Variants in SNTG1 observed in about 807,000 individuals in gnomAD.
The protein encoded by SNTG1 is gamma-1-syntrophin.
SNTG1 carries 39 observed loss-of-function variants against 74.7 expected under a neutral mutation model. The ratio of observed to expected loss-of-function variants is 0.52; its 90% CI spans 0.40 to 0.68. The LOEUF (loss-of-function observed/expected upper bound fraction) is 0.68. SNTG1 is among the 30% of genes least tolerant of loss of function. SNTG1 has a pLI of 0.00. For missense variants in SNTG1, 685 were observed against 609.5 expected (o/e 1.12, Z -1.30); for synonymous variants, 254 against 217.1 (o/e 1.17, Z -1.49).
At chr8:50,528,780 T>C (rs2094242485) in intron 9 of SNTG1, among the ~76,000 whole-genome samples, 1 of 151,768 alleles carries the variant, frequency 6.6e-6, no homozygotes, top group Non-Finnish European at 1.5e-5. Flanking sequence ...GTTGATAACT[T>C]GTATTTTCTG....
At chr8:50,562,931 C>T (rs2094496524) in intron 12 of SNTG1, among the ~76,000 whole-genome samples, 1 of 152,170 alleles carries the variant, frequency 6.6e-6, no homozygotes, top group Non-Finnish European at 1.5e-5. Flanking sequence ...AGAATCGTTG[C>T]ATTCACGCAG....
chr8:50,537,561 T>G (rs1226372823), intron 11 of SNTG1, among the ~76,000 whole-genome samples: 2 of 152,186 alleles, frequency 1.3e-5, no homozygotes, highest in Non-Finnish European at 2.9e-5. Context: ...TGTTGATTTT[T>G]TAAAAATGAT....
intron 16 of SNTG1, among the ~76,000 whole-genome samples, chr8:50,707,340 T>C (rs1341679953): frequency 6.6e-6 from 1 of 152,148 alleles, no homozygotes. Flanking sequence ...ATGTTGATAA[T>C]AGTTTTAATA....
At chr8:49,918,441 G>A (rs1235607040) in intron 1 of SNTG1, among the ~76,000 whole-genome samples, 1 of 152,130 alleles carries the variant, frequency 6.6e-6, no homozygotes, top group Non-Finnish European at 1.5e-5. Context: ...ATTAGTTATT[G>A]ACTAATATCT....
intron 18 of SNTG1, among the ~76,000 whole-genome samples, chr8:50,765,074 GAGA>G (rs1402762467): frequency 6.6e-6 from 1 of 151,940 alleles, no homozygotes; most frequent in Non-Finnish European, 1.5e-5. Context: ...ACTCTCAGAA[GAGA>G]AGTAGTATTT....
chr8:50,775,236 A>C (rs1007061434), intron 18 of SNTG1, among the ~76,000 whole-genome samples: 1 of 151,554 alleles, frequency 6.6e-6, no homozygotes. Flanking sequence ...GAACTTGTTT[A>C]AATTTTTAAA....
chr8:50,300,701 C>A (rs530932539), intron 2 of SNTG1, among the ~76,000 whole-genome samples: 1 of 152,096 alleles, frequency 6.6e-6, no homozygotes, highest in Non-Finnish European at 1.5e-5. Context: ...TTCAAGTTAC[C>A]ATCTGGTACC....
chr8:50,004,744 C>A (rs1012677934), intron 1 of SNTG1, among the ~76,000 whole-genome samples: 1 of 152,170 alleles, frequency 6.6e-6, no homozygotes, highest in Non-Finnish European at 1.5e-5. Flanking sequence ...CCTTTGTCTC[C>A]TGAAATAACT....
intron 4 of SNTG1, among the ~76,000 whole-genome samples, chr8:50,420,812 G>T (rs1474463859): frequency 6.6e-6 from 1 of 151,656 alleles, no homozygotes; most frequent in Non-Finnish European, 1.5e-5. Flanking sequence ...GGATCATGAG[G>T]CCAAGAGATC....
intron 2 of SNTG1, among the ~76,000 whole-genome samples, chr8:50,288,678 T>C (rs2088920037): frequency 6.6e-6 from 1 of 151,930 alleles, no homozygotes; most frequent in African/African-American, 2.4e-5. Flanking sequence ...CTATGAAATG[T>C]GTTGATTAAG....
chr8:50,795,471 C>A lies in SNTG1; in HGVS notation c.*2642C>A, dbSNP rs1167544354. The stretch of plus-strand genomic sequence containing the variant: ...CATGTAAGAGATTTATTCATAAAAT[C>A]CTAGTTTGTACATTAAGCACATTTT... On this transcript the variant is annotated 3_prime_UTR_variant, in exon 19 of 19. Coordinates refer to ENST00000642720, the MANE Select transcript of SNTG1 (RefSeq NM_018967.5). 1 of 151,944 alleles carries A rather than the reference C, an allele frequency of 6.6e-6. No individual in the cohort carries two copies. Among genetic ancestry groups the A allele is most frequent in the Non-Finnish European group, 1.5e-5 (1 of 67,944 alleles). The allele number at this position is 151,944 out of a possible 1,614,324, so 9.4% of individuals were successfully genotyped here. A position where few individuals can be genotyped will look rare whatever the true frequency, so the allele number is the denominator to read the frequency against.
At chr8:49,975,696 C>T (rs989205178) in intron 1 of SNTG1, among the ~76,000 whole-genome samples, 2 of 151,564 alleles carry the variant, frequency 1.3e-5, no homozygotes, top group Admixed American at 6.6e-5. Flanking sequence ...ATTTTCAGTC[C>T]GAGGAAAGAT....
chr8:50,537,151 G>A, intron 11 of SNTG1, among the ~76,000 whole-genome samples: 1 of 152,194 alleles, frequency 6.6e-6, no homozygotes, highest in Non-Finnish European at 1.5e-5. Flanking sequence ...TTGAGGCAAG[G>A]TCTAGCTCTG....
chr8:50,625,542 A>G (rs1434385203), intron 13 of SNTG1, among the ~76,000 whole-genome samples: 1 of 152,218 alleles, frequency 6.6e-6, no homozygotes, highest in Non-Finnish European at 1.5e-5. Flanking sequence ...AGGACCAAAA[A>G]AGAACAAATC....
chr8:50,428,755 ATTT>A, intron 4 of SNTG1, among the ~76,000 whole-genome samples: 1 of 152,266 alleles, frequency 6.6e-6, no homozygotes, highest in African/African-American at 2.4e-5. Flanking sequence ...CTGTAAAAGA[ATTT>A]ATAGGAAAGG....
chr8:50,547,130 C>A (rs1401904055), intron 11 of SNTG1, among the ~76,000 whole-genome samples: 2 of 152,092 alleles, frequency 1.3e-5, no homozygotes, highest in Non-Finnish European at 2.9e-5. Flanking sequence ...GAAACAGCAC[C>A]CACGTCTGAT....
intron 1 of SNTG1, among the ~76,000 whole-genome samples, chr8:50,133,238 T>A (rs1398153632): frequency 6.6e-6 from 1 of 152,210 alleles, no homozygotes; most frequent in African/African-American, 2.4e-5. Flanking sequence ...ATACCAAGTA[T>A]TGCCTTTCCT....
In SNTG1 at chr8:50,792,993, A is replaced by C; in HGVS notation, c.*164A>C. 1 of 595,496 alleles carries C rather than the reference A, an allele frequency of 1.7e-6. No individual in the cohort carries two copies. Among genetic ancestry groups the C allele is most frequent in the Non-Finnish European group, 2.7e-6 (1 of 367,298 alleles). The allele number at this position is 595,496 out of a possible 1,614,324, so 36.9% of individuals were successfully genotyped here. ...CATGTGGAACCTCAAAAACACTTCT[A>C]TTCTGGATGACATCTGTGAAATATA... On this transcript the variant is annotated 3_prime_UTR_variant, in exon 19 of 19. Transcript: ENST00000642720.
chr8:50,702,619 T>G (rs1007234207), intron 15 of SNTG1, among the ~76,000 whole-genome samples: 1 of 152,218 alleles, frequency 6.6e-6, no homozygotes, highest in Non-Finnish European at 1.5e-5. Flanking sequence ...GATTAACCCT[T>G]TGACAATTTT....
Sources: gnomAD v4.1 joint callset for allele counts (sites outside exome capture counted in the v4.1 genomes callset) on GRCh38, gnomAD v4.1.1 for gene constraint, MANE v1.5 for transcripts, NCBI Gene and HGNC (gene_info 2026-07-23, HGNC 2026-07-21) for gene names.